Variants in XYLB observed in about 807,000 individuals in gnomAD.
XYLB encodes xylulose kinase.
Under a neutral mutation model 78.7 loss-of-function variants are expected in XYLB, and 62 were observed. The ratio of observed to expected loss-of-function variants is 0.79; its 90% CI spans 0.64 to 0.97. The LOEUF (loss-of-function observed/expected upper bound fraction) is 0.97, where lower values mean the gene tolerates loss of function less well. XYLB is among the 50% of genes least tolerant of loss of function. The pLI, the probability that XYLB is intolerant of heterozygous loss-of-function variation, is 0.00. For synonymous variants in XYLB, 245 were observed against 247.4 expected, an observed-to-expected ratio of 0.99 and a Z score of 0.09; for missense variants, 687 against 676.8, an observed-to-expected ratio of 1.02 and a Z score of -0.17.
At chr3:38,385,601 A>G (rs191218931) in intron 15 of XYLB, among the ~76,000 whole-genome samples, 13 of 152,312 alleles carry the variant, frequency 8.5e-5, no homozygotes, top group African/African-American at 2.9e-4. Flanking sequence ...TTCATTTCTA[A>G]AAAGATAGTA....
chr3:38,378,711 C>T (rs1382713470), intron 14 of XYLB, among the ~76,000 whole-genome samples: 1 of 151,312 alleles, frequency 6.6e-6, no homozygotes, highest in African/African-American at 2.4e-5. Flanking sequence ...TAGCATTGGT[C>T]TCAGGTGCCA....
chr3:38,423,126 G>A (rs1295444119), downstream of XYLB, among the ~76,000 whole-genome samples: 1 of 152,112 alleles, frequency 6.6e-6, no homozygotes, highest in Non-Finnish European at 1.5e-5. Flanking sequence ...AGGCTGGAGT[G>A]CAGTGGTGCG....
intron 1 of XYLB, among the ~76,000 whole-genome samples, chr3:38,347,484 C>T (rs1325566301): frequency 6.6e-6 from 1 of 151,958 alleles, no homozygotes; most frequent in Non-Finnish European, 1.5e-5. Flanking sequence ...TCGAGACCAG[C>T]CTGGGCAATA....
At chr3:38,385,553 A>G (rs1707346141) in intron 15 of XYLB, among the ~76,000 whole-genome samples, 1 of 152,148 alleles carries the variant, frequency 6.6e-6, no homozygotes, top group Non-Finnish European at 1.5e-5. Flanking sequence ...TATGCATTTC[A>G]GAATGCTACA....
intron 15 of XYLB, among the ~76,000 whole-genome samples, chr3:38,381,640 C>G (rs1178405533): frequency 1.3e-5 from 2 of 152,156 alleles, no homozygotes; most frequent in Non-Finnish European, 1.5e-5. Flanking sequence ...TCTGAACTGG[C>G]CCCCCTGGGC....
chr3:38,409,248 A>T (rs983181199), intron 18 of XYLB, among the ~76,000 whole-genome samples: 1 of 152,242 alleles, frequency 6.6e-6, no homozygotes, highest in Non-Finnish European at 1.5e-5. Flanking sequence ...AAATCAATAA[A>T]TGTAATCCAA....
chr3:38,384,481 G>A (rs1170822162), intron 15 of XYLB, among the ~76,000 whole-genome samples: 1 of 152,210 alleles, frequency 6.6e-6, no homozygotes, highest in Admixed American at 6.5e-5. Flanking sequence ...CACGGCCAGC[G>A]ATGAAGATGG....
At chr3:38,351,805 A>T (rs562534621) in intron 2 of XYLB, among the ~76,000 whole-genome samples, 9 of 152,222 alleles carry the variant, frequency 5.9e-5, no homozygotes, top group Non-Finnish European at 1.3e-4. Flanking sequence ...AAAATTTTAC[A>T]TCACAGTTTT....
chr3:38,420,943 A>G (rs1413334170), downstream of XYLB, among the ~76,000 whole-genome samples: 1 of 152,352 alleles, frequency 6.6e-6, no homozygotes, highest in East Asian at 1.9e-4. Context: ...CTCAAACCAC[A>G]AACGATAGCA....
At position 38,414,213 on chromosome 3, in the gene XYLB, C is replaced by A. The variant is rs13074025; in HGVS notation, c.*1200C>A. On this transcript the variant is annotated 3_prime_UTR_variant, in exon 19 of 19. Transcript: ENST00000207870. ...TGCAGATAGGTTTAAGACCTAGTGG[C>A]TCAGAGCAGTAGCTACTGGGAAGTT... 0.42 allele frequency: 64,160 copies of A among 151,990 alleles called. 15,784 individuals carry two copies. The highest frequency in any genetic ancestry group is 0.56 in the Non-Finnish European group (38,330 of 67,962). 9.4% of individuals were successfully genotyped at this position (151,990 alleles called of 1,614,324 possible). A position where few individuals can be genotyped will look rare whatever the true frequency, so the allele number is the denominator to read the frequency against.
At chr3:38,452,130 C>T in the XYLB span, 2 of 152,184 alleles carry the variant, frequency 1.3e-5, no homozygotes, top group East Asian at 1.9e-4. Context: ...GTGTTATTAC[C>T]AGATACCTTA....
chr3:38,377,919 A>G (rs1706946609), intron 14 of XYLB, among the ~76,000 whole-genome samples: 1 of 151,966 alleles, frequency 6.6e-6, no homozygotes, highest in Admixed American at 6.6e-5. Context: ...CCACAATGTG[A>G]CCTTTCTCGG....
At position 38,370,013 on chromosome 3, in the gene XYLB, C is replaced by G. The variant is rs768297878; in HGVS notation, c.647-43C>G. 4 of 1,547,802 alleles carry G rather than the reference C, an allele frequency of 2.6e-6. No homozygotes were observed. The Admixed American group carries it at 6.7e-5, about 26-fold the overall frequency. On this transcript the variant is annotated intron_variant, in intron 8 of 18. Transcript: ENST00000207870. The stretch of plus-strand genomic sequence containing the variant: ...AGATTTGTGCATTTTCACAAAAGGT[C>G]CATTTTCAAGATTGTCTGTTGTTTG...
At chr3:38,434,487 TGAA>T in the XYLB span, among the ~76,000 whole-genome samples, 2 of 152,166 alleles carry the variant, frequency 1.3e-5, no homozygotes, top group Non-Finnish European at 2.9e-5. Flanking sequence ...CCTTCATAAA[TGAA>T]GGAGAAATGT....
At chr3:38,431,924 T>C in the XYLB span, among the ~76,000 whole-genome samples, 3 of 152,214 alleles carry the variant, frequency 2.0e-5, no homozygotes, top group East Asian at 3.9e-4. Context: ...GTCTTGCCCT[T>C]GACACATGAG....
intron 18 of XYLB, among the ~76,000 whole-genome samples, chr3:38,405,773 T>C (rs1358630552): frequency 6.6e-6 from 1 of 152,218 alleles, no homozygotes; most frequent in Non-Finnish European, 1.5e-5. Flanking sequence ...CACGGAGTCT[T>C]GCTGATTGCT....
chr3:38,451,911 C>G, the XYLB span: 4 of 152,194 alleles, frequency 2.6e-5, no homozygotes, highest in African/African-American at 9.7e-5. Flanking sequence ...ATTTGGGCAG[C>G]TTGGACCACT....
rs149890713 is a variant in XYLB at position 38,369,423 on chromosome 3, C to T, written c.647-633C>T. On this transcript the variant is annotated intron_variant, in intron 8 of 18. Transcript: ENST00000207870. Reference sequence around the variant, plus strand: ...CTTAGCCACAGCTGGGCCCTCCACTCTGCCCCCCTTCACTCACCTGAGATG... The same window carrying T: ...CTTAGCCACAGCTGGGCCCTCCACTTTGCCCCCCTTCACTCACCTGAGATG... Among the ~76,000 whole-genome samples the T allele has an allele frequency of 5.6e-3, 848 of 152,310 alleles. 10 individuals carry two copies. Among genetic ancestry groups the T allele is most frequent in the African/African-American group, 0.019 (791 of 41,542 alleles).
At chr3:38,371,309 T>C (rs1427072985) in intron 9 of XYLB, among the ~76,000 whole-genome samples, 1 of 151,498 alleles carries the variant, frequency 6.6e-6, no homozygotes. Context: ...GTCTCGCTTT[T>C]GTCACCCAGG....
Sources: allele counts gnomAD v4.1 joint callset (sites outside exome capture counted in the v4.1 genomes callset), GRCh38; gene constraint gnomAD v4.1.1; transcripts MANE v1.5; gene names NCBI Gene and HGNC (gene_info 2026-07-23, HGNC 2026-07-21).